Variants in POLD3 observed in about 807,000 individuals in gnomAD.
POLD3 encodes the protein DNA polymerase delta subunit 3.
Under a neutral mutation model 58.2 loss-of-function variants are expected in POLD3, and 19 were observed. The ratio of observed to expected loss-of-function variants is 0.33; its 90% CI spans 0.23 to 0.48. The LOEUF is 0.48. Among genes scored for constraint, POLD3 ranks in the 20% least tolerant of loss-of-function variants. The pLI, the probability that POLD3 is intolerant of heterozygous loss-of-function variation, is 0.99. For missense variants in POLD3, 504 were observed against 545.5 expected, an observed-to-expected ratio of 0.92 and a Z score of 0.76; for synonymous variants, 172 against 193.5, an observed-to-expected ratio of 0.89 and a Z score of 0.92.
intron 11 of POLD3, among the ~76,000 whole-genome samples, chr11:74,639,339 A>G (rs540627686): frequency 6.6e-6 from 1 of 152,334 alleles, no homozygotes; most frequent in East Asian, 1.9e-4. Context: ...TCCAAAGCTT[A>G]TGCCTCTAGA....
chr11:74,593,684 A>G (rs1275207062), intron 1 of POLD3, among the ~76,000 whole-genome samples: 1 of 152,180 alleles, frequency 6.6e-6, no homozygotes, highest in Non-Finnish European at 1.5e-5. Flanking sequence ...CTGAGACATC[A>G]CACTTCAAAG....
chr11:74,599,907 G>A (rs1318329492), intron 2 of POLD3, among the ~76,000 whole-genome samples: 1 of 151,976 alleles, frequency 6.6e-6, no homozygotes, highest in Non-Finnish European at 1.5e-5. Context: ...AATTAATCAT[G>A]TGTAGGAAGT....
intron 8 of POLD3, among the ~76,000 whole-genome samples, chr11:74,627,871 G>C (rs1335742380): frequency 2.0e-5 from 3 of 152,090 alleles, no homozygotes; most frequent in African/African-American, 7.2e-5. Flanking sequence ...CTCAAAATAT[G>C]TCCCTGTCAT....
chr11:74,607,246 A>ATTTC (rs67317243), intron 3 of POLD3, among the ~76,000 whole-genome samples: 2 of 141,990 alleles, frequency 1.4e-5, no homozygotes, highest in African/African-American at 5.5e-5. Flanking sequence ...ATTATTATAT[A>ATTTC]TTTATTTATT....
chr11:74,662,956 T>TC (rs1387059953), intron 4 of POLD3, among the ~76,000 whole-genome samples: 2 of 152,146 alleles, frequency 1.3e-5, no homozygotes, highest in East Asian at 3.9e-4. Flanking sequence ...GAGTTCAAAG[T>TC]CCCACAGTTG....
chr11:74,619,031 A>T (rs141640758), intron 6 of POLD3, among the ~76,000 whole-genome samples: 192 of 152,342 alleles, frequency 1.3e-3, no homozygotes, highest in African/African-American at 4.4e-3. Context: ...CAAAATGGTA[A>T]TGCCTACCTT....
At chr11:74,628,029 T>C (rs1262752406) in intron 8 of POLD3, among the ~76,000 whole-genome samples, 1 of 152,196 alleles carries the variant, frequency 6.6e-6, no homozygotes, top group African/African-American at 2.4e-5. Context: ...TATTGTGAAT[T>C]TGATTTAACT....
At chr11:74,650,086 G>C (rs1462159657) in intron 4 of POLD3, among the ~76,000 whole-genome samples, 1 of 152,216 alleles carries the variant, frequency 6.6e-6, no homozygotes, top group Non-Finnish European at 1.5e-5. Context: ...GTGAGGATTA[G>C]AGATAACAAA....
intron 5 of POLD3, among the ~76,000 whole-genome samples, chr11:74,615,769 A>T (rs1223666672): frequency 6.6e-6 from 1 of 152,160 alleles, no homozygotes; most frequent in Admixed American, 6.5e-5. Context: ...GAATTGCCAT[A>T]GTTTCTATAA....
intron 1 of POLD3, among the ~76,000 whole-genome samples, chr11:74,593,744 A>G (rs535379355): frequency 1.3e-5 from 2 of 152,034 alleles, no homozygotes; most frequent in African/African-American, 2.4e-5. Context: ...GGTGGCCCCC[A>G]AAAAAAACAT....
rs961814196 is a variant in POLD3 at position 74,642,025 on chromosome 11, C to T, written c.*1259C>T. 9 of 985,274 alleles carry T rather than the reference C, an allele frequency of 9.1e-6. No homozygotes were observed. Among genetic ancestry groups the T allele is most frequent in the Non-Finnish European group, 1.1e-5 (9 of 829,932 alleles). The allele number at this position is 985,274 out of a possible 1,614,324, so 61.0% of individuals were successfully genotyped here. A position where few individuals can be genotyped will look rare whatever the true frequency, so the allele number is the denominator to read the frequency against. The stretch of plus-strand genomic sequence containing the variant: ...TGGTGATTTTGCACAGTGAGCTCTG[C>T]GGAAGGGGTCAGGCTCAACTGCTGA... On this transcript the variant is annotated 3_prime_UTR_variant, in exon 12 of 12. Transcript: ENST00000263681.
At chr11:74,609,373 T>TATATATATATA (rs1491467177) in intron 3 of POLD3, among the ~76,000 whole-genome samples, 40 of 15,874 alleles carry the variant, frequency 2.5e-3, no homozygotes, top group East Asian at 4.4e-3. Context: ...TATATATATA[T>TATATATATATA]TTTTTTTTTT....
chr11:74,603,095 A>G (rs1361638752), intron 2 of POLD3, among the ~76,000 whole-genome samples: 1 of 152,194 alleles, frequency 6.6e-6, no homozygotes, highest in East Asian at 1.9e-4. Flanking sequence ...CCTTTCTAGA[A>G]TGTAAGCTCT....
rs567309562 is a variant in POLD3 at position 74,612,858 on chromosome 11, CT to C, written c.260-16del. 195 of 1,600,216 alleles carry C rather than the reference CT, an allele frequency of 1.2e-4. 1 individual carries two copies. In the African/African-American group the frequency reaches 2.3e-3, roughly 19 times the overall value. On this transcript the variant is annotated intron_variant, in intron 4 of 11. Coordinates refer to ENST00000263681, the MANE Select transcript of POLD3 (RefSeq NM_006591.3). ...ATGAAGTTTGTGTATTAACTGACTG[CT>C]TTTCCTGTTGACTTGTAGCAGTGAA...
chr11:74,641,815 G>A lies in POLD3; in HGVS notation c.*1049G>A. ...CTTTGTATTTTTAGCTTCCCTATTT[G>A]CTTAAAAGTACAGGCTCCCTAAGAG... On this transcript the variant is annotated 3_prime_UTR_variant, in exon 12 of 12. Transcript: ENST00000263681. 1.0e-6 allele frequency: 1 copy of A among 985,170 alleles called. No individual in the cohort carries two copies. Among genetic ancestry groups the A allele is most frequent in the Non-Finnish European group, 1.2e-6 (1 of 829,728 alleles). 61.0% of individuals were successfully genotyped at this position (985,170 alleles called of 1,614,324 possible).
At chr11:74,626,804 T>G (rs1277926351) in intron 8 of POLD3, among the ~76,000 whole-genome samples, 2 of 152,150 alleles carry the variant, frequency 1.3e-5, no homozygotes, top group Non-Finnish European at 1.5e-5. Flanking sequence ...GACAGTGGTC[T>G]CGTAAGATTA....
chr11:74,634,970 T>C (rs1256027627), intron 10 of POLD3, among the ~76,000 whole-genome samples: 9 of 152,198 alleles, frequency 5.9e-5, no homozygotes, highest in Non-Finnish European at 1.0e-4. Context: ...TCTGCTGTGC[T>C]GTACAGCTCC....
Position 74,603,568 on chromosome 11 carries a change from G to T in POLD3, c.117-1124G>T, listed in dbSNP as rs569174410. Among the ~76,000 whole-genome samples, 60 of 152,256 alleles carry T rather than the reference G, an allele frequency of 3.9e-4. No homozygotes were observed. In the Middle Eastern group the frequency reaches 0.014, roughly 35 times the overall value. On this transcript the variant is annotated intron_variant, in intron 2 of 11. Transcript: ENST00000263681. ...AAACCCCTCAGACCCAGGCAGACAG[G>T]AATGGTCAGTCACTCTAATACATAG... is the stretch of plus-strand genomic sequence containing the variant.
At position 74,611,500 on chromosome 11, in the gene POLD3, GC is replaced by G; in HGVS notation, c.223del (p.His75ThrfsTer5). 6.4e-7 allele frequency: 1 copy of G among 1,555,010 alleles called. No individual in the cohort carries two copies. Among genetic ancestry groups the G allele is most frequent in the South Asian group, 1.2e-5 (1 of 85,834 alleles). The part of the protein sequence containing the change: ...SGSLIQNGHS[C>X]HKVAVVREDK... ...TAATAAAGTGTTATTTTCTTACAGT[GC>G]CACAAGGTTGCAGTAGTGAGAGAAG... is the stretch of plus-strand genomic sequence containing the variant. On this transcript the variant is annotated frameshift_variant and splice_region_variant, in exon 4 of 12. Transcript: ENST00000263681. LOFTEE classifies it high-confidence loss of function.
Sources: allele counts gnomAD v4.1 joint callset (sites outside exome capture counted in the v4.1 genomes callset), GRCh38; gene constraint gnomAD v4.1.1; transcripts MANE v1.5; gene names NCBI Gene and HGNC (gene_info 2026-07-23, HGNC 2026-07-21).